Variants in EHMT1 observed in about 807,000 individuals in gnomAD.
EHMT1 encodes histone-lysine N-methyltransferase EHMT1.
Under a neutral mutation model 147.2 loss-of-function variants are expected in EHMT1, and 15 were observed. The ratio of observed to expected loss-of-function variants is 0.10; its 90% CI spans 0.07 to 0.16. The LOEUF (loss-of-function observed/expected upper bound fraction) is 0.16. Among genes scored for constraint, EHMT1 ranks in the 10% least tolerant of loss-of-function variants. EHMT1 has a pLI of 1.00. For missense variants in EHMT1, 1,587 were observed against 1,772.4 expected, an observed-to-expected ratio of 0.90 and a Z score of 1.88; for synonymous variants, 795 against 709.6, an observed-to-expected ratio of 1.12 and a Z score of -1.91.
intron 1 of EHMT1, among the ~76,000 whole-genome samples, chr9:137,691,472 C>T (rs2134876855): frequency 6.6e-6 from 1 of 151,954 alleles, no homozygotes; most frequent in Middle Eastern, 3.4e-3. Context: ...GCCACCGCGC[C>T]CAGCCGTAAT....
rs1951483466 is a variant in EHMT1 at position 137,781,208 on chromosome 9, TGTGGTGACGACGCTGGGACGTGTG to T, written c.2276-1079_2276-1056del. Among the ~76,000 whole-genome samples the T allele has an allele frequency of 2.3e-4, 22 of 96,270 alleles. 6 individuals carry two copies. Among genetic ancestry groups the T allele is most frequent in the Admixed American group, 5.6e-4 (5 of 9,002 alleles). 63.2% of individuals were successfully genotyped at this position (96,270 alleles called of 152,430 possible). A position where few individuals can be genotyped will look rare whatever the true frequency, so the allele number is the denominator to read the frequency against. On this transcript the variant is annotated intron_variant, in intron 14 of 26. Transcript: ENST00000460843. ...GACGTGTGGTGACGACGCTGAGACG[TGTGGTGACGACGCTGGGACGTGTG>T]GTGACGACGCTGGGACGTGTGGTGA...
At chr9:137,738,230 A>C (rs573559838) in intron 4 of EHMT1, among the ~76,000 whole-genome samples, 17 of 151,682 alleles carry the variant, frequency 1.1e-4, no homozygotes, top group South Asian at 6.2e-4. Context: ...AACAAAAAAA[A>C]CCCAAAAAAG....
chr9:137,764,406 C>A (rs1398133593), intron 10 of EHMT1: 2 of 152,236 alleles, frequency 1.3e-5, no homozygotes, highest in Admixed American at 1.3e-4. Context: ...CAGAGCCTCT[C>A]ACTTGTTTCA....
intron 10 of EHMT1, among the ~76,000 whole-genome samples, chr9:137,768,961 A>G (rs1449492516): frequency 1.3e-5 from 2 of 152,216 alleles, no homozygotes; most frequent in Non-Finnish European, 2.9e-5. Flanking sequence ...TGCTGAGATT[A>G]CAGTCGTGAG....
At position 137,761,748 on chromosome 9, in the gene EHMT1, C is replaced by T. The variant is rs183910915; in HGVS notation, c.1502-927C>T. ...CTGGGATTACAGGCGTGAGCCACCG[C>T]GCCCAGCCAAGAGTTAATTATTTTT... On this transcript the variant is annotated intron_variant, in intron 9 of 26. Transcript: ENST00000460843. Among the ~76,000 whole-genome samples, 84 of 152,280 alleles carry T rather than the reference C, an allele frequency of 5.5e-4. 1 individual carries two copies. Among genetic ancestry groups the T allele is most frequent in the Middle Eastern group, 3.4e-3 (1 of 294 alleles).
At chr9:137,654,958 G>A (rs1026492596) in intron 1 of EHMT1, among the ~76,000 whole-genome samples, 3 of 152,084 alleles carry the variant, frequency 2.0e-5, no homozygotes, top group African/African-American at 7.2e-5. Flanking sequence ...TTCAGGGACT[G>A]CAGCAGGAAG....
intron 1 of EHMT1, among the ~76,000 whole-genome samples, chr9:137,670,455 TG>T (rs1940451465): frequency 6.6e-6 from 1 of 152,328 alleles, no homozygotes; most frequent in Admixed American, 6.5e-5. Context: ...CCCCCGGTGC[TG>T]GGTGCAGCTC....
chr9:137,806,713 G>A (rs972534315), intron 18 of EHMT1, among the ~76,000 whole-genome samples: 3 of 152,358 alleles, frequency 2.0e-5, no homozygotes, highest in African/African-American at 4.8e-5. Context: ...GATTACAGGC[G>A]TAAGCCCCTG....
rs551992272 is a variant in EHMT1, at chr9:137,716,731, G to A, written c.191G>A (p.Ser64Asn). The change falls in exon 3 of 27, where the codon AGC (serine) becomes AAC (asparagine). Residue 64 changes from serine (S) to asparagine (N), a missense_variant. Transcript: ENST00000460843. ...TNGSCENSDA[S>N]SHANAAKHTQ... ...GGGTCTTGTGAAAACAGCGATGCCA[G>A]CAGTCATGCAAATGCTGCAAAGCAC... The A allele has an allele frequency of 6.2e-7, 1 of 1,612,428 alleles. No homozygotes were observed. Among genetic ancestry groups the A allele is most frequent in the South Asian group, 1.1e-5 (1 of 91,084 alleles).
intron 1 of EHMT1, among the ~76,000 whole-genome samples, chr9:137,627,828 C>A (rs1230102660): frequency 2.6e-5 from 4 of 151,654 alleles, no homozygotes; most frequent in Non-Finnish European, 5.9e-5. Flanking sequence ...ATTACCCCCC[C>A]ACCCCCAAGT....
chr9:137,744,517 G>A (rs1009707181), intron 6 of EHMT1, among the ~76,000 whole-genome samples: 2 of 152,052 alleles, frequency 1.3e-5, no homozygotes, highest in Non-Finnish European at 1.5e-5. Flanking sequence ...ACGGGGACTC[G>A]CTTTGCTGCC....
chr9:137,691,559 C>T (rs561055436), intron 1 of EHMT1, among the ~76,000 whole-genome samples: 1 of 152,164 alleles, frequency 6.6e-6, no homozygotes, highest in Admixed American at 6.6e-5. Context: ...GTTGCTTCCA[C>T]CCCTTGGCTA....
intron 1 of EHMT1, chr9:137,697,202 A>G: frequency 9.2e-6 from 3 of 324,580 alleles, no homozygotes; most frequent in South Asian, 2.2e-5. Context: ...AATCATGTGA[A>G]CCTGGGAGGC....
chr9:137,633,304 A>C (rs1418693826), intron 1 of EHMT1, among the ~76,000 whole-genome samples: 2 of 152,150 alleles, frequency 1.3e-5, no homozygotes, highest in African/African-American at 4.8e-5. Context: ...CAAAGATCAA[A>C]ATATAATTGA....
intron 16 of EHMT1, among the ~76,000 whole-genome samples, chr9:137,793,523 G>A (rs1033311645): frequency 5.9e-5 from 9 of 152,248 alleles, no homozygotes; most frequent in African/African-American, 4.8e-5. Flanking sequence ...GCTGTGATCT[G>A]TAGCAACTCC....
chr9:137,725,319 G>A (rs576809653), intron 3 of EHMT1, among the ~76,000 whole-genome samples: 3 of 152,292 alleles, frequency 2.0e-5, no homozygotes, highest in South Asian at 2.1e-4. Flanking sequence ...TGTGGCCTTC[G>A]TGGGGCTTTC....
rs1443504424 is a variant in EHMT1, at chr9:137,835,192, G to C, written c.*239G>C. On this transcript the variant is annotated 3_prime_UTR_variant, in exon 27 of 27. Coordinates refer to ENST00000460843, the MANE Select transcript of EHMT1 (RefSeq NM_024757.5). Reference sequence around the variant, plus strand: ...GTGCCCAGGCTGGAGCGCACACTTTGGTCCGCGCGCCAGAGACGCTGGGAG... The same window carrying C: ...GTGCCCAGGCTGGAGCGCACACTTTCGTCCGCGCGCCAGAGACGCTGGGAG... The C allele has an allele frequency of 4.9e-6, 2 of 410,082 alleles. No homozygotes were observed. The highest frequency in any genetic ancestry group is 4.2e-5 in the African/African-American group (2 of 47,196). 25.4% of individuals were successfully genotyped at this position (410,082 alleles called of 1,614,324 possible).
At chr9:137,717,650 G>A (rs988553728) in intron 3 of EHMT1, among the ~76,000 whole-genome samples, 24 of 151,260 alleles carry the variant, frequency 1.6e-4, no homozygotes, top group Middle Eastern at 3.5e-3. Flanking sequence ...TGCCTTGTGC[G>A]TGAGTGACAA....
At position 137,818,156 on chromosome 9, in the gene EHMT1, G is replaced by A; in HGVS notation, c.3540+18G>A. ...ACAATAAGGTAATGTGTTTTGTGGG[G>A]TTGGGGCCACGCAGAACTTGTGAAC... On this transcript the variant is annotated intron_variant, in intron 25 of 26. Coordinates refer to ENST00000460843, the MANE Select transcript of EHMT1 (RefSeq NM_024757.5). 1.2e-6 allele frequency: 2 copies of A among 1,613,880 alleles called. No individual in the cohort carries two copies. The highest frequency in any genetic ancestry group is 1.1e-5 in the South Asian group (1 of 91,076).
Sources: gnomAD v4.1 joint callset for allele counts (sites outside exome capture counted in the v4.1 genomes callset) on GRCh38, gnomAD v4.1.1 for gene constraint, MANE v1.5 for transcripts, NCBI Gene and HGNC (gene_info 2026-07-23, HGNC 2026-07-21) for gene names.